Variants in L3MBTL4 observed in about 807,000 individuals in gnomAD.
L3MBTL4 encodes lethal(3)malignant brain tumor-like protein 4.
Under a neutral mutation model 84.5 loss-of-function variants are expected in L3MBTL4, and 70 were observed. The ratio of observed to expected loss-of-function variants is 0.83; its 90% CI spans 0.68 to 1.01. L3MBTL4 has a LOEUF of 1.01. Among genes scored for constraint, L3MBTL4 ranks in the 50% least tolerant of loss-of-function variants. The pLI is 0.00. For synonymous variants in L3MBTL4, 274 were observed against 259.8 expected, an observed-to-expected ratio of 1.05 and a Z score of -0.52; for missense variants, 715 against 754.8, an observed-to-expected ratio of 0.95 and a Z score of 0.62.
chr18:6,069,529 C>T (rs1213467414), intron 16 of L3MBTL4, among the ~76,000 whole-genome samples: 3 of 152,032 alleles, frequency 2.0e-5, no homozygotes, highest in African/African-American at 7.3e-5. Flanking sequence ...GGGGCACAAC[C>T]AAGTGAGGGC....
intron 1 of L3MBTL4, among the ~76,000 whole-genome samples, chr18:6,323,615 T>A (rs1357693685): frequency 1.3e-5 from 2 of 152,218 alleles, no homozygotes; most frequent in Admixed American, 1.3e-4. Context: ...AAAAAGTTCC[T>A]AAGGAGCAAA....
intron 17 of L3MBTL4, among the ~76,000 whole-genome samples, chr18:5,964,114 C>A (rs1177927509): frequency 6.6e-6 from 1 of 152,228 alleles, no homozygotes; most frequent in Non-Finnish European, 1.5e-5. Flanking sequence ...AGTGCTGTGA[C>A]CACTGACACA....
chr18:6,152,614 T>C (rs2042945251), intron 13 of L3MBTL4, among the ~76,000 whole-genome samples: 4 of 152,204 alleles, frequency 2.6e-5, no homozygotes, highest in Admixed American at 2.6e-4. Flanking sequence ...TTTTTTGCTA[T>C]TGAGTTAGAT....
In L3MBTL4 at chr18:6,272,056, T is replaced by C. The variant is rs379260; in HGVS notation, c.128-8018A>G. On this transcript the variant is annotated intron_variant, in intron 4 of 18. Transcript: ENST00000317931. Reference sequence around the variant, plus strand: ...ACGGGGAAAAAGAGAAAGGAAGTCTTCGTTGACTGTTGCTGTTAAGCGTAT... The same window carrying C: ...ACGGGGAAAAAGAGAAAGGAAGTCTCCGTTGACTGTTGCTGTTAAGCGTAT... Among the ~76,000 whole-genome samples the C allele has an allele frequency of 9.9e-3, 1,505 of 152,258 alleles. 36 individuals carry two copies. The highest frequency in any genetic ancestry group is 0.034 in the African/African-American group (1,398 of 41,552).
intron 13 of L3MBTL4, among the ~76,000 whole-genome samples, chr18:6,151,519 AG>A (rs2042894135): frequency 6.6e-6 from 1 of 152,046 alleles, no homozygotes; most frequent in Admixed American, 6.6e-5. Flanking sequence ...CAGCCTCTCA[AG>A]TAGCTGGGAT....
At chr18:6,108,412 G>T (rs2059083354) in intron 14 of L3MBTL4, among the ~76,000 whole-genome samples, 1 of 152,142 alleles carries the variant, frequency 6.6e-6, no homozygotes. Flanking sequence ...CCAGTTGCAT[G>T]TGTTGTTGGC....
At chr18:6,325,445 C>G (rs573478227) in intron 1 of L3MBTL4, among the ~76,000 whole-genome samples, 9 of 152,214 alleles carry the variant, frequency 5.9e-5, no homozygotes, top group African/African-American at 2.2e-4. Context: ...TCAGCCTCCC[C>G]AGTAACTGAG....
intron 4 of L3MBTL4, among the ~76,000 whole-genome samples, chr18:6,269,136 C>T (rs909237516): frequency 1.3e-5 from 2 of 152,158 alleles, no homozygotes; most frequent in Admixed American, 1.3e-4. Context: ...AATAAGGTCG[C>T]TCATGGATGG....
At chr18:6,172,660 C>T (rs1340486482) in intron 12 of L3MBTL4, among the ~76,000 whole-genome samples, 2 of 152,144 alleles carry the variant, frequency 1.3e-5, no homozygotes, top group African/African-American at 2.4e-5. Flanking sequence ...CACACACACA[C>T]ATACCATGCA....
At chr18:6,191,621 G>A (rs1367711053) in intron 12 of L3MBTL4, among the ~76,000 whole-genome samples, 1 of 152,186 alleles carries the variant, frequency 6.6e-6, no homozygotes, top group African/African-American at 2.4e-5. Context: ...TGCCATTTGA[G>A]GAAACCACAA....
rs551700500 is a variant in L3MBTL4, at chr18:6,030,011, G to T, written c.1444+50870C>A. On this transcript the variant is annotated intron_variant, in intron 16 of 18. Transcript: ENST00000317931. ...CATGAAAACCATCCAGATGGCCATG[G>T]GCAGGGACTGGTCACTTATAGTGTG... The T allele has an allele frequency of 4.7e-5, 46 of 985,402 alleles. No homozygotes were observed. In the Admixed American group the frequency reaches 2.2e-3, roughly 47 times the overall value. 61.0% of individuals were successfully genotyped at this position (985,402 alleles called of 1,614,324 possible).
intron 13 of L3MBTL4, among the ~76,000 whole-genome samples, chr18:6,143,679 A>G (rs748474853): frequency 2.7e-4 from 41 of 152,334 alleles, no homozygotes; most frequent in Non-Finnish European, 5.0e-4. Context: ...CAGAAAGAGC[A>G]TCTCTGACCA....
intron 16 of L3MBTL4, among the ~76,000 whole-genome samples, chr18:5,997,364 G>T (rs1199816715): frequency 7.0e-6 from 1 of 142,004 alleles, no homozygotes; most frequent in Admixed American, 6.8e-5. Flanking sequence ...TGCCCATCAG[G>T]AAATTCCTTG....
chr18:6,175,479 G>A lies in L3MBTL4; in HGVS notation c.982-3537C>T, dbSNP rs143900778. Among the ~76,000 whole-genome samples, 114 of 152,276 alleles carry A rather than the reference G, an allele frequency of 7.5e-4. 2 individuals are homozygous for A. The highest frequency in any genetic ancestry group is 3.4e-4 in the Non-Finnish European group (23 of 68,022). ...CTAAGTGATGCCAGATGAAAACTAC[G>A]ATCTACATGAAGAGTACTAGCAACA... is the stretch of plus-strand genomic sequence containing the variant. On this transcript the variant is annotated intron_variant, in intron 12 of 18. Transcript: ENST00000317931.
At chr18:6,341,825 C>T (rs552264049) in intron 1 of L3MBTL4, among the ~76,000 whole-genome samples, 1 of 151,438 alleles carries the variant, frequency 6.6e-6, no homozygotes, top group Admixed American at 6.6e-5. Flanking sequence ...ATAAAAATGT[C>T]TCCACCAAGA....
chr18:6,250,484 G>T (rs947498396), intron 5 of L3MBTL4, among the ~76,000 whole-genome samples: 2 of 152,228 alleles, frequency 1.3e-5, no homozygotes, highest in African/African-American at 2.4e-5. Flanking sequence ...ATCAGTGCTG[G>T]CAGAGCATCA....
intron 1 of L3MBTL4, among the ~76,000 whole-genome samples, chr18:6,345,499 C>G (rs566067092): frequency 7.9e-5 from 12 of 151,964 alleles, no homozygotes; most frequent in African/African-American, 2.7e-4. Flanking sequence ...AATATGAAAC[C>G]AACATACAAA....
At chr18:6,205,868 T>G (rs1295729067) in intron 12 of L3MBTL4, among the ~76,000 whole-genome samples, 1 of 152,198 alleles carries the variant, frequency 6.6e-6, no homozygotes, top group East Asian at 1.9e-4. Flanking sequence ...GTAAGGGCAT[T>G]TGGAATGTCA....
rs141889523 is a variant in L3MBTL4, at chr18:6,270,005, C to T, written c.128-5967G>A. On this transcript the variant is annotated intron_variant, in intron 4 of 18. Transcript: ENST00000317931. ...AATTCCATTAGCCATAAACACAACCCTTCATGGTGATATTTCCATTTCATT... is the reference window on the plus strand; with the variant it reads ...AATTCCATTAGCCATAAACACAACCTTTCATGGTGATATTTCCATTTCATT... Among the ~76,000 whole-genome samples, 470 of 152,284 alleles carry T rather than the reference C, an allele frequency of 3.1e-3. 7 individuals are homozygous for T. Among genetic ancestry groups the T allele is most frequent in the African/African-American group, 0.011 (441 of 41,546 alleles).
Sources: gnomAD v4.1 joint callset for allele counts (sites outside exome capture counted in the v4.1 genomes callset) on GRCh38, gnomAD v4.1.1 for gene constraint, MANE v1.5 for transcripts, NCBI Gene and HGNC (gene_info 2026-07-23, HGNC 2026-07-21) for gene names.